The following NET1 variants were observed in gnomAD, a reference collection of about 807,000 sequenced individuals.
NET1 encodes the protein neuroepithelial cell transforming 1, also known as neuroepithelial cell-transforming gene 1 protein.
A neutral mutation model predicts 61.1 loss-of-function variants in NET1; 42 were observed. The ratio of observed to expected loss-of-function variants is 0.69; its 90% CI spans 0.54 to 0.89. The LOEUF (loss-of-function observed/expected upper bound fraction) is 0.89. Ranked by LOEUF, NET1 falls within the 40% of genes least tolerant of loss-of-function variation. The probability of loss-of-function intolerance (pLI) is 0.00; values close to 1 mark genes in which losing one functional copy is unlikely to be tolerated. For synonymous variants in NET1, 254 were observed against 281.8 expected (o/e 0.90, Z 0.99); for missense variants, 654 against 747.3 (o/e 0.88, Z 1.46).
In NET1 at chr10:5,453,552, G is replaced by A. The variant is rs151234884; in HGVS notation, c.760G>A (p.Val254Met). Residue 254 changes from valine (V) to methionine (M), a missense_variant, in exon 8 of 12, where the codon GTG becomes ATG. Coordinates refer to ENST00000355029, the MANE Select transcript of NET1 (RefSeq NM_001047160.3). The surrounding 1 kb of genome is among the most constrained non-coding windows in gnomAD (Gnocchi z 4.9). ...AGTGGAGCAGATTGGTCACATTCTC[G>A]TGAGCTGGGTATGTAGTGAGTTGTT... ...GTVEQIGHIL[V>M]SWLPRLNAYR... 142 of 1,613,824 alleles carry A rather than the reference G, an allele frequency of 8.8e-5. No individual in the cohort carries two copies. The highest frequency in any genetic ancestry group is 3.1e-4 in the East Asian group (14 of 44,880).
Position 5,416,019 on chromosome 10 carries a change from AT to A in NET1, c.128+3203del, listed in dbSNP as rs1832076899. Among the ~76,000 whole-genome samples the A allele has an allele frequency of 6.6e-6, 1 of 152,078 alleles. No individual in the cohort carries two copies. On this transcript the variant is annotated intron_variant, in intron 1 of 11. Coordinates refer to ENST00000355029, the MANE Select transcript of NET1 (RefSeq NM_001047160.3). This position sits in a 1 kb window ranked among gnomAD's most constrained non-coding sequence, Gnocchi z 6.1. ...AGTGCTTTCTTCTGAGAATTTTATC[AT>A]TTTAGCTTTTATATTTGGGTCTTTA...
At chr10:5,428,920 G>C (rs1229683844) in intron 2 of NET1, among the ~76,000 whole-genome samples, 1 of 147,426 alleles carries the variant, frequency 6.8e-6, no homozygotes, top group Non-Finnish European at 1.5e-5. Flanking sequence ...TTTTAGTAGA[G>C]ACAGGGTTTC....
intron 3 of NET1, among the ~76,000 whole-genome samples, chr10:5,445,926 G>A (rs1832600099): frequency 6.6e-6 from 1 of 151,896 alleles, no homozygotes; most frequent in African/African-American, 2.4e-5. Flanking sequence ...ACAATATAGA[G>A]AACAGAAATC....
At position 5,456,541 on chromosome 10, in the gene NET1, C is replaced by A; in HGVS notation, c.1385-47C>A. ...GTATGACCACTTTGTCTAGAATAAA[C>A]CTTTTTTTAGCCTGATTTCTTTTTT... On this transcript the variant is annotated intron_variant, in intron 11 of 11. Coordinates refer to ENST00000355029, the MANE Select transcript of NET1 (RefSeq NM_001047160.3). This position sits in a 1 kb window ranked among gnomAD's most constrained non-coding sequence, Gnocchi z 7.0. The A allele has an allele frequency of 1.3e-6, 2 of 1,502,922 alleles. No individual in the cohort carries two copies. Among genetic ancestry groups the A allele is most frequent in the Admixed American group, 4.6e-5 (2 of 43,716 alleles). 93.1% of individuals were successfully genotyped at this position (1,502,922 alleles called of 1,614,324 possible). A position where few individuals can be genotyped will look rare whatever the true frequency, so the allele number is the denominator to read the frequency against.
chr10:5,431,136 G>A lies in NET1; in HGVS notation c.255+1907G>A, dbSNP rs757654812. Among the ~76,000 whole-genome samples, 10 of 152,118 alleles carry A rather than the reference G, an allele frequency of 6.6e-5. No homozygotes were observed. Among genetic ancestry groups the A allele is most frequent in the Non-Finnish European group, 1.3e-4 (9 of 68,028 alleles). ...TCCGCCTGCCTCGGCCTCCCAAAGT[G>A]CTGGGATTACAGGCGTGAGCCACCG... On this transcript the variant is annotated intron_variant, in intron 3 of 11. Transcript: ENST00000355029. The surrounding 1 kb of genome is among the most constrained non-coding windows in gnomAD (Gnocchi z 4.9).
Position 5,429,153 on chromosome 10 carries a change from C to A in NET1, c.196-17C>A. ...CATTCCTTTTATATGAGAATGAAAT[C>A]TCTATTTTTCTTTTAGAAAAGAAAA... On this transcript the variant is annotated splice_polypyrimidine_tract_variant and intron_variant, in intron 2 of 11. Coordinates refer to ENST00000355029, the MANE Select transcript of NET1 (RefSeq NM_001047160.3). 1 of 1,574,160 alleles carries A rather than the reference C, an allele frequency of 6.4e-7. No individual in the cohort carries two copies.
rs562021327 is a variant in NET1 at position 5,453,626 on chromosome 10, G to C, written c.768+66G>C. ...GATGTGCCATGTTGCAGTTTCTGAT[G>C]AATATGAGACAGATTTGATCCCACA... On this transcript the variant is annotated intron_variant, in intron 8 of 11. Transcript: ENST00000355029. This position sits in a 1 kb window ranked among gnomAD's most constrained non-coding sequence, Gnocchi z 4.9. 6 of 1,368,606 alleles carry C rather than the reference G, an allele frequency of 4.4e-6. No individual in the cohort carries two copies. In the African/African-American group the frequency reaches 8.6e-5, roughly 20 times the overall value. 84.8% of individuals were successfully genotyped at this position (1,368,606 alleles called of 1,614,324 possible). A position where few individuals can be genotyped will look rare whatever the true frequency, so the allele number is the denominator to read the frequency against.
chr10:5,418,501 T>C (rs185114111), intron 1 of NET1, among the ~76,000 whole-genome samples: 8 of 152,286 alleles, frequency 5.3e-5, no homozygotes, highest in Middle Eastern at 3.4e-3. Flanking sequence ...TCCCCTCTTT[T>C]ATTTCTGATT....
chr10:5,432,739 T>C (rs1244255321), intron 3 of NET1, among the ~76,000 whole-genome samples: 1 of 151,274 alleles, frequency 6.6e-6, no homozygotes, highest in Non-Finnish European at 1.5e-5. Context: ...TTTTATGGTT[T>C]ATCCTTCCAC....
In NET1 at chr10:5,449,364, T is replaced by A. The variant is rs189216487; in HGVS notation, c.256-2466T>A. 4.4e-3 allele frequency among the ~76,000 whole-genome samples: 675 copies of A among 152,232 alleles called. 15 individuals are homozygous for A. The highest frequency in any genetic ancestry group is 0.039 in the Admixed American group (597 of 15,280). On this transcript the variant is annotated intron_variant, in intron 3 of 11. Transcript: ENST00000355029. The surrounding 1 kb of genome is among the most constrained non-coding windows in gnomAD (Gnocchi z 4.4). ...AAGTGCAAAGTGCCCTCCTCCTTTCTCTCCCTCTCCCAACCTGTATTTCCT... is the reference window on the plus strand; with the variant it reads ...AAGTGCAAAGTGCCCTCCTCCTTTCACTCCCTCTCCCAACCTGTATTTCCT...
intron 3 of NET1, among the ~76,000 whole-genome samples, chr10:5,438,196 A>C (rs1832468187): frequency 6.6e-6 from 1 of 152,208 alleles, no homozygotes; most frequent in Admixed American, 6.5e-5. Flanking sequence ...GGAGGTAATA[A>C]AAAGAAAAGC....
Position 5,456,174 on chromosome 10 carries a change from C to T in NET1, c.1285C>T (p.Gln429Ter). ...ACGGCACTCTTACCAGGTTTACCGG[C>T]AGCCAATCCCAGTCCAAGAGCTAGT... ...NERHSYQVYR[Q>*]PIPVQELVLE... The change falls in exon 11 of 12, where the codon CAG (glutamine) becomes TAG (stop). Residue 429 changes from glutamine to a stop codon, truncating the protein, a stop_gained. Coordinates refer to ENST00000355029, the MANE Select transcript of NET1 (RefSeq NM_001047160.3). LOFTEE classifies it high-confidence loss of function. The surrounding 1 kb of genome is among the most constrained non-coding windows in gnomAD (Gnocchi z 7.0). 6.2e-7 allele frequency: 1 copy of T among 1,614,218 alleles called. No homozygotes were observed. The highest frequency in any genetic ancestry group is 8.5e-7 in the Non-Finnish European group (1 of 1,180,042).
chr10:5,449,962 C>T lies in NET1; in HGVS notation c.256-1868C>T, dbSNP rs1177515526. Among the ~76,000 whole-genome samples the T allele has an allele frequency of 6.6e-6, 1 of 152,158 alleles. No homozygotes were observed. The highest frequency in any genetic ancestry group is 1.5e-5 in the Non-Finnish European group (1 of 68,026). On this transcript the variant is annotated intron_variant, in intron 3 of 11. Coordinates refer to ENST00000355029, the MANE Select transcript of NET1 (RefSeq NM_001047160.3). This position sits in a 1 kb window ranked among gnomAD's most constrained non-coding sequence, Gnocchi z 4.4. ...TTGTTCCAGTGAAATGTCGGCATTT[C>T]TTACTCTGTGAGGTAATTCTATCTT...
chr10:5,451,655 C>CTGCT lies in NET1; in HGVS notation c.256-174_256-171dup, dbSNP rs1359138947. Among the ~76,000 whole-genome samples, 3 of 152,068 alleles carry CTGCT rather than the reference C, an allele frequency of 2.0e-5. No individual in the cohort carries two copies. The highest frequency in any genetic ancestry group is 4.4e-5 in the Non-Finnish European group (3 of 68,014). On this transcript the variant is annotated intron_variant, in intron 3 of 11. Coordinates refer to ENST00000355029, the MANE Select transcript of NET1 (RefSeq NM_001047160.3). This position sits in a 1 kb window ranked among gnomAD's most constrained non-coding sequence, Gnocchi z 6.1. ...TACACACTTATTTTTTGAAAAGTTA[C>CTGCT]TGCTACTCAATAGAGTTCTTATTGT...
rs1832260134 is a variant in NET1 at position 5,426,510 on chromosome 10, A to G, written c.129-145A>G. ...TTTGTTTTTTATATATATATAGACC[A>G]TCTCTCATATTACTAAGATTGAATG... On this transcript the variant is annotated intron_variant, in intron 1 of 11. Coordinates refer to ENST00000355029, the MANE Select transcript of NET1 (RefSeq NM_001047160.3). The surrounding 1 kb of genome is among the most constrained non-coding windows in gnomAD (Gnocchi z 4.6). The G allele has an allele frequency of 3.5e-6, 2 of 574,398 alleles. No homozygotes were observed. The highest frequency in any genetic ancestry group is 3.9e-5 in the African/African-American group (2 of 51,776). The allele number at this position is 574,398 out of a possible 1,614,324, so 35.6% of individuals were successfully genotyped here.
Position 5,452,269 on chromosome 10 carries a change from C to A in NET1, c.364-89C>A. On this transcript the variant is annotated intron_variant, in intron 4 of 11. Transcript: ENST00000355029. This position sits in a 1 kb window ranked among gnomAD's most constrained non-coding sequence, Gnocchi z 4.0. The stretch of plus-strand genomic sequence containing the variant: ...CATTGAGAAATTCTCAGAACTTTGT[C>A]TTTCTTCACTTTAAAAAAAAAGAAA... 8.4e-7 allele frequency: 1 copy of A among 1,184,184 alleles called. No individual in the cohort carries two copies. Among genetic ancestry groups the A allele is most frequent in the Non-Finnish European group, 1.1e-6 (1 of 889,574 alleles). 73.4% of individuals were successfully genotyped at this position (1,184,184 alleles called of 1,614,324 possible). A position where few individuals can be genotyped will look rare whatever the true frequency, so the allele number is the denominator to read the frequency against.
chr10:5,457,961 AAGAAAAAGAG>A lies in NET1; in HGVS notation c.*970_*979del, dbSNP rs1364469930. 1 of 152,540 alleles carries A rather than the reference AAGAAAAAGAG, an allele frequency of 6.6e-6. No individual in the cohort carries two copies. The highest frequency in any genetic ancestry group is 2.4e-5 in the African/African-American group (1 of 41,446). 9.4% of individuals were successfully genotyped at this position (152,540 alleles called of 1,614,324 possible). The stretch of plus-strand genomic sequence containing the variant: ...GGGAAGGTGATTGGTAGTGAGTTAA[AAGAAAAAGAG>A]AGGAAAAGAGAGTAGTTTTGTCTTC... On this transcript the variant is annotated 3_prime_UTR_variant, in exon 12 of 12. Coordinates refer to ENST00000355029, the MANE Select transcript of NET1 (RefSeq NM_001047160.3). This position sits in a 1 kb window ranked among gnomAD's most constrained non-coding sequence, Gnocchi z 5.4.
At position 5,439,574 on chromosome 10, in the gene NET1, G is replaced by A. The variant is rs1832491637; in HGVS notation, c.255+10345G>A. Among the ~76,000 whole-genome samples, 1 of 152,112 alleles carries A rather than the reference G, an allele frequency of 6.6e-6. No individual in the cohort carries two copies. On this transcript the variant is annotated intron_variant, in intron 3 of 11. Transcript: ENST00000355029. This position sits in a 1 kb window ranked among gnomAD's most constrained non-coding sequence, Gnocchi z 4.8. ...AGTTGATGTGACCCTGTTTGTTTTG[G>A]GCACCTCTGATCGCACAGTTAAATG...
In NET1 at chr10:5,416,757, A is replaced by G. The variant is rs72779837; in HGVS notation, c.128+3937A>G. Among the ~76,000 whole-genome samples, 41,027 of 152,012 alleles carry G rather than the reference A, an allele frequency of 0.27. 5,712 individuals carry two copies. Among genetic ancestry groups the G allele is most frequent in the Non-Finnish European group, 0.29 (19,411 of 67,960 alleles). On this transcript the variant is annotated intron_variant, in intron 1 of 11. Coordinates refer to ENST00000355029, the MANE Select transcript of NET1 (RefSeq NM_001047160.3). This position sits in a 1 kb window ranked among gnomAD's most constrained non-coding sequence, Gnocchi z 6.1. ...CGCTTCTTCGGTGCCCTGCTGTTCA[A>G]ACCTCTAGGGGAACATATAGATAGG...
Sources: gnomAD v4.1 joint callset for allele counts (sites outside exome capture counted in the v4.1 genomes callset) on GRCh38, gnomAD v4.1.1 for gene constraint, Gnocchi (gnomAD v3.1) non-coding constraint, MANE v1.5 for transcripts, NCBI Gene and HGNC (gene_info 2026-07-23, HGNC 2026-07-21) for gene names.